The following DIAPH3 variants were observed in gnomAD, a reference collection of about 807,000 sequenced individuals.
DIAPH3 encodes the protein protein diaphanous homolog 3.
In DIAPH3, 117 loss-of-function variants were observed where a neutral mutation model predicts 144.3. The observed-to-expected ratio is 0.81, with a 90% confidence interval of 0.70 to 0.95. The LOEUF (loss-of-function observed/expected upper bound fraction) is 0.95, where lower values mean the gene tolerates loss of function less well. Ranked by LOEUF, DIAPH3 falls within the 40% of genes least tolerant of loss-of-function variation. The pLI, the probability that DIAPH3 is intolerant of heterozygous loss-of-function variation, is 0.00. For synonymous variants in DIAPH3, 519 were observed against 488.9 expected, an observed-to-expected ratio of 1.06 and a Z score of -0.81; for missense variants, 1,421 against 1,412.7, an observed-to-expected ratio of 1.01 and a Z score of -0.09.
chr13:60,163,286 TAGGG>T (rs768315462), intron 1 of DIAPH3, among the ~76,000 whole-genome samples: 4 of 152,102 alleles, frequency 2.6e-5, no homozygotes, highest in Non-Finnish European at 5.9e-5. Context: ...CCTCTTACAC[TAGGG>T]AGGAAGGGAG....
chr13:59,795,218 G>T (rs1419820151), intron 25 of DIAPH3, among the ~76,000 whole-genome samples: 1 of 151,958 alleles, frequency 6.6e-6, no homozygotes, highest in Non-Finnish European at 1.5e-5. Context: ...ACAAAAAAGT[G>T]ACTTCATGGT....
At chr13:59,711,579 C>T (rs538948324) in intron 27 of DIAPH3, among the ~76,000 whole-genome samples, 165 of 152,290 alleles carry the variant, frequency 1.1e-3, no homozygotes, top group Admixed American at 2.4e-3. Context: ...TTACCAACAC[C>T]ACTAATGATG....
At chr13:59,802,644 A>ATATTATTATTAT (rs777931224) in intron 25 of DIAPH3, among the ~76,000 whole-genome samples, 32 of 61,578 alleles carry the variant, frequency 5.2e-4, no homozygotes, top group African/African-American at 2.1e-3. Flanking sequence ...TTATTGATCT[A>ATATTATTATTAT]TATTATTATT....
At position 59,918,850 on chromosome 13, in the gene DIAPH3, C is replaced by A. The variant is rs369313835; in HGVS notation, c.2171-2601G>T. Among the ~76,000 whole-genome samples, 4 of 151,228 alleles carry A rather than the reference C, an allele frequency of 2.6e-5. No individual in the cohort carries two copies. In the East Asian group the frequency reaches 7.8e-4, roughly 29 times the overall value. On this transcript the variant is annotated intron_variant, in intron 18 of 27. Transcript: ENST00000400324. ...ATCACCAAAGGGACAAAATCAGCTG[C>A]CAGTGATGTACACTAGAGATGGACA... is the stretch of plus-strand genomic sequence containing the variant.
chr13:59,887,580 G>A (rs904376177), intron 20 of DIAPH3, among the ~76,000 whole-genome samples: 1 of 152,032 alleles, frequency 6.6e-6, no homozygotes, highest in East Asian at 1.9e-4. Context: ...TACCCTGCAA[G>A]ATATCTATAT....
intron 17 of DIAPH3, among the ~76,000 whole-genome samples, chr13:59,939,835 C>CGTGTGTGTGTGTGTGTGTGT (rs3220859): frequency 2.0e-5 from 3 of 146,652 alleles, no homozygotes; most frequent in Non-Finnish European, 3.0e-5. Flanking sequence ...GAGAATGAGG[C>CGTGTGTGTGTGTGTGTGTGT]GTGTGTGTGT....
intron 27 of DIAPH3, among the ~76,000 whole-genome samples, chr13:59,668,468 G>A (rs1229812030): frequency 2.0e-5 from 3 of 152,186 alleles, no homozygotes; most frequent in African/African-American, 7.2e-5. Context: ...TAATGGCAAA[G>A]AAGAGATTAA....
chr13:59,979,023 G>A (rs1015546970), intron 14 of DIAPH3, among the ~76,000 whole-genome samples: 9 of 151,614 alleles, frequency 5.9e-5, no homozygotes, highest in African/African-American at 1.9e-4. Flanking sequence ...GTATTTACAT[G>A]TGTCCTTATA....
At position 60,040,541 on chromosome 13, in the gene DIAPH3, C is replaced by G. The variant is rs556836531; in HGVS notation, c.626+2149G>C. 3.4e-5 allele frequency among the ~76,000 whole-genome samples: 5 copies of G among 147,042 alleles called. No individual in the cohort carries two copies. In the South Asian group the frequency reaches 1.1e-3, roughly 31 times the overall value. On this transcript the variant is annotated intron_variant, in intron 5 of 27. Coordinates refer to ENST00000400324, the MANE Select transcript of DIAPH3 (RefSeq NM_001042517.2). ...GATGCATGAATTCATATATAAAAAC[C>G]TTCTATTTTGTTTTCTTTTGTTAGC...
intron 7 of DIAPH3, among the ~76,000 whole-genome samples, chr13:60,013,541 T>C (rs1431821593): frequency 6.6e-6 from 1 of 152,218 alleles, no homozygotes; most frequent in Non-Finnish European, 1.5e-5. Flanking sequence ...TTCATCCTTA[T>C]TATCTTTTCT....
At chr13:59,784,449 C>T (rs767775463) in intron 25 of DIAPH3, among the ~76,000 whole-genome samples, 30 of 151,512 alleles carry the variant, frequency 2.0e-4, no homozygotes, top group Non-Finnish European at 3.8e-4. Flanking sequence ...AATCTCAGCT[C>T]ATGGCAACCT....
In DIAPH3 at chr13:59,681,382, T is replaced by C. The variant is rs1388954862; in HGVS notation, c.3320-14536A>G. Among the ~76,000 whole-genome samples the C allele has an allele frequency of 2.6e-5, 4 of 152,154 alleles. No individual in the cohort carries two copies. In the South Asian group the frequency reaches 8.3e-4, roughly 32 times the overall value. On this transcript the variant is annotated intron_variant, in intron 27 of 27. Coordinates refer to ENST00000400324, the MANE Select transcript of DIAPH3 (RefSeq NM_001042517.2). ...GTCCTAGCTACTTGGAAGGCTGAGGTGGGAGGATCACTCAAGCCTGGGAGG... is the reference window on the plus strand; with the variant it reads ...GTCCTAGCTACTTGGAAGGCTGAGGCGGGAGGATCACTCAAGCCTGGGAGG...
chr13:59,675,212 C>T (rs1194571304), intron 27 of DIAPH3, among the ~76,000 whole-genome samples: 12 of 152,032 alleles, frequency 7.9e-5, no homozygotes, highest in East Asian at 1.9e-4. Flanking sequence ...TCTACAGGCA[C>T]GTATCACCAT....
At chr13:59,796,328 AACATGTC>A (rs2039601328) in intron 25 of DIAPH3, among the ~76,000 whole-genome samples, 2 of 152,210 alleles carry the variant, frequency 1.3e-5, no homozygotes, top group South Asian at 4.1e-4. Context: ...CACTATGCTG[AACATGTC>A]ACACATTAAG....
intron 1 of DIAPH3, among the ~76,000 whole-genome samples, chr13:60,134,400 A>G (rs1410293380): frequency 6.6e-6 from 1 of 152,204 alleles, no homozygotes; most frequent in African/African-American, 2.4e-5. Flanking sequence ...AGTGGTTGGG[A>G]TCCTGAGCGG....
At chr13:59,759,096 G>A (rs988111597) in intron 27 of DIAPH3, among the ~76,000 whole-genome samples, 4 of 151,824 alleles carry the variant, frequency 2.6e-5, no homozygotes, top group African/African-American at 9.7e-5. Context: ...CCAGACCAGT[G>A]ATAGTCTTTT....
At position 60,125,394 on chromosome 13, in the gene DIAPH3, A is replaced by ATTTTTTTTTTTTTTTTTTT. The variant is rs56267083; in HGVS notation, c.213+7544_213+7562dup. 7.1e-4 allele frequency among the ~76,000 whole-genome samples: 69 copies of ATTTTTTTTTTTTTTTTTTT among 97,862 alleles called. 6 individuals are homozygous for ATTTTTTTTTTTTTTTTTTT. The highest frequency in any genetic ancestry group is 3.4e-3 in the East Asian group (8 of 2,388). The allele number at this position is 97,862 out of a possible 152,430, so 64.2% of individuals were successfully genotyped here. ...ATCTGCATACCATCACACCCAGCTA[A>ATTTTTTTTTTTTTTTTTTT]TTTTTTTTTTTTTTTTTTTTTTTTT... is the stretch of plus-strand genomic sequence containing the variant. On this transcript the variant is annotated intron_variant, in intron 2 of 27. Transcript: ENST00000400324.
At chr13:59,762,172 C>A (rs1271914838) in intron 27 of DIAPH3, among the ~76,000 whole-genome samples, 1 of 150,490 alleles carries the variant, frequency 6.6e-6, no homozygotes, top group Non-Finnish European at 1.5e-5. Context: ...GATTCCCCTG[C>A]CTCAGCCTCC....
chr13:59,997,577 T>G (rs2052282210), intron 9 of DIAPH3, among the ~76,000 whole-genome samples: 1 of 152,078 alleles, frequency 6.6e-6, no homozygotes. Context: ...ATGAGACTGT[T>G]TTTTTCTAAC....
Sources: gnomAD v4.1 joint callset for allele counts (sites outside exome capture counted in the v4.1 genomes callset) on GRCh38, gnomAD v4.1.1 for gene constraint, MANE v1.5 for transcripts, NCBI Gene and HGNC (gene_info 2026-07-23, HGNC 2026-07-21) for gene names.